The following PLD5 variants were observed in gnomAD, a reference collection of about 807,000 sequenced individuals.
PLD5 encodes the protein inactive phospholipase D5.
Under a neutral mutation model 61.1 loss-of-function variants are expected in PLD5, and 36 were observed. The observed-to-expected ratio is 0.59, with a 90% CI of 0.45 to 0.78. The LOEUF is 0.78. Among genes scored for constraint, PLD5 ranks in the 30% least tolerant of loss-of-function variants. The probability of loss-of-function intolerance (pLI) is 0.00; values close to 1 mark genes in which losing one functional copy is unlikely to be tolerated. For synonymous variants in PLD5, 243 were observed against 242.8 expected (o/e 1.00, Z -0.01); for missense variants, 515 against 644.4 (o/e 0.80, Z 2.17).
chr1:242,110,480 A>C (rs1233159326), intron 7 of PLD5, among the ~76,000 whole-genome samples: 1 of 152,200 alleles, frequency 6.6e-6, no homozygotes, highest in East Asian at 1.9e-4. Context: ...TATGCTGTTC[A>C]TGCTTTAATC....
At chr1:242,374,519 C>T (rs989440003) in intron 1 of PLD5, among the ~76,000 whole-genome samples, 2 of 152,114 alleles carry the variant, frequency 1.3e-5, no homozygotes, top group African/African-American at 2.4e-5. Context: ...TCACAGAAAC[C>T]AGAACACTAA....
At chr1:242,341,378 G>C (rs1659822942) in intron 2 of PLD5, among the ~76,000 whole-genome samples, 1 of 152,336 alleles carries the variant, frequency 6.6e-6, no homozygotes, top group Non-Finnish European at 1.5e-5. Context: ...ACCAAATTTT[G>C]TGTGTACTAT....
chr1:242,110,954 GAAAT>G (rs1332687907), intron 7 of PLD5, among the ~76,000 whole-genome samples: 1 of 151,988 alleles, frequency 6.6e-6, no homozygotes, highest in African/African-American at 2.4e-5. Flanking sequence ...TGTGACTGAA[GAAAT>G]AAATAATGAA....
At chr1:242,153,812 C>G (rs1252985243) in intron 5 of PLD5, among the ~76,000 whole-genome samples, 3 of 152,106 alleles carry the variant, frequency 2.0e-5, no homozygotes, top group Non-Finnish European at 2.9e-5. Context: ...ATTCTTTTTG[C>G]TTAGGGTTAT....
At chr1:242,107,265 C>T (rs1221415062) in intron 8 of PLD5, among the ~76,000 whole-genome samples, 1 of 152,088 alleles carries the variant, frequency 6.6e-6, no homozygotes, top group African/African-American at 2.4e-5. Flanking sequence ...TGCTTGAGCC[C>T]AGGAGCTCAG....
At chr1:242,396,228 TG>T (rs532604141) in intron 1 of PLD5, among the ~76,000 whole-genome samples, 181 of 152,190 alleles carry the variant, frequency 1.2e-3, no homozygotes, top group Non-Finnish European at 2.2e-3. Context: ...ATCTTTGTTC[TG>T]GGGACTATCC....
chr1:242,351,024 C>T (rs1301412914), intron 1 of PLD5, among the ~76,000 whole-genome samples: 1 of 152,000 alleles, frequency 6.6e-6, no homozygotes, highest in Non-Finnish European at 1.5e-5. Flanking sequence ...CCTCAGCCTC[C>T]TGAGTAGCTG....
At chr1:242,491,555 T>A (rs958813757) in intron 1 of PLD5, among the ~76,000 whole-genome samples, 1 of 152,220 alleles carries the variant, frequency 6.6e-6, no homozygotes, top group African/African-American at 2.4e-5. Flanking sequence ...GTATATTATA[T>A]CTAAATACTT....
At chr1:242,112,339 G>GTGTATATA (rs1370325825) in intron 7 of PLD5, among the ~76,000 whole-genome samples, 2 of 143,304 alleles carry the variant, frequency 1.4e-5, no homozygotes, top group African/African-American at 5.1e-5. Flanking sequence ...ATGTATATGT[G>GTGTATATA]TATATATATA....
rs184909815 is a variant in PLD5, at chr1:242,266,681, T to C, written c.496-1233A>G. On this transcript the variant is annotated intron_variant, in intron 3 of 9. Transcript: ENST00000536534. The stretch of plus-strand genomic sequence containing the variant: ...ACAGAGAATAAGGCTTTGGTCTTAA[T>C]GGCCCCACAGTGGCAAGGTCTTATC... 6.0e-3 allele frequency among the ~76,000 whole-genome samples: 916 copies of C among 152,374 alleles called. 6 individuals carry two copies. Among genetic ancestry groups the C allele is most frequent in the African/African-American group, 0.021 (856 of 41,586 alleles).
intron 1 of PLD5, among the ~76,000 whole-genome samples, chr1:242,390,010 T>C (rs888950762): frequency 1.0e-5 from 1 of 99,526 alleles, no homozygotes; most frequent in Non-Finnish European, 2.0e-5. Flanking sequence ...ATGATACAAA[T>C]AATAATAATA....
intron 2 of PLD5, among the ~76,000 whole-genome samples, chr1:242,330,025 T>G (rs1165202527): frequency 6.6e-6 from 1 of 152,152 alleles, no homozygotes; most frequent in Non-Finnish European, 1.5e-5. Context: ...TGTAAGACAG[T>G]TTTTTTAAAA....
intron 8 of PLD5, among the ~76,000 whole-genome samples, chr1:242,106,046 G>C (rs1279162139): frequency 6.6e-6 from 1 of 152,148 alleles, no homozygotes; most frequent in Non-Finnish European, 1.5e-5. Context: ...TGGGTCCTTG[G>C]TTTGAACCAG....
chr1:242,131,713 G>A (rs1484746076), intron 5 of PLD5, among the ~76,000 whole-genome samples: 1 of 152,160 alleles, frequency 6.6e-6, no homozygotes, highest in Non-Finnish European at 1.5e-5. Flanking sequence ...GTGGGTGGGG[G>A]CCAGGTCCTA....
chr1:242,389,200 A>G (rs1240015563), intron 1 of PLD5, among the ~76,000 whole-genome samples: 2 of 152,174 alleles, frequency 1.3e-5, no homozygotes, highest in African/African-American at 2.4e-5. Context: ...TTTGTAACTC[A>G]TGTCCTAACT....
chr1:242,260,144 C>T (rs1486224843), intron 4 of PLD5, among the ~76,000 whole-genome samples: 2 of 152,026 alleles, frequency 1.3e-5, no homozygotes, highest in African/African-American at 4.8e-5. Context: ...GTCAGGAGTT[C>T]GAGACCAGCC....
chr1:242,277,000 C>T (rs1304842139), intron 3 of PLD5, among the ~76,000 whole-genome samples: 3 of 151,986 alleles, frequency 2.0e-5, no homozygotes, highest in African/African-American at 7.2e-5. Context: ...CAGGAAATAG[C>T]AAGAGATTAA....
intron 1 of PLD5, among the ~76,000 whole-genome samples, chr1:242,370,043 G>A (rs1661548694): frequency 6.6e-6 from 1 of 152,098 alleles, no homozygotes; most frequent in South Asian, 2.1e-4. Context: ...ACTCAGTTGT[G>A]TATTAGTTTC....
chr1:242,318,777 A>T lies in PLD5; in HGVS notation c.326+29329T>A, dbSNP rs1658190526. Among the ~76,000 whole-genome samples, 3 of 152,040 alleles carry T rather than the reference A, an allele frequency of 2.0e-5. No individual in the cohort carries two copies. The South Asian group carries it at 6.2e-4, about 32-fold the overall frequency. On this transcript the variant is annotated intron_variant, in intron 2 of 9. Coordinates refer to ENST00000536534, the MANE Select transcript of PLD5 (RefSeq NM_001372062.1). ...AGTGCTGGGATTACGGGCATGAGCCACTTCATCTAGGCTATAACTTTTTTA... is the reference window on the plus strand; with the variant it reads ...AGTGCTGGGATTACGGGCATGAGCCTCTTCATCTAGGCTATAACTTTTTTA...
Sources: allele counts gnomAD v4.1 joint callset (sites outside exome capture counted in the v4.1 genomes callset), GRCh38; gene constraint gnomAD v4.1.1; transcripts MANE v1.5; gene names NCBI Gene and HGNC (gene_info 2026-07-23, HGNC 2026-07-21).